TCTN2: variants seen among roughly 807,000 people sequenced by gnomAD.
The protein encoded by TCTN2 is tectonic-2.
Under a neutral mutation model 83.4 loss-of-function variants are expected in TCTN2, and 66 were observed. The observed-to-expected ratio is 0.79, with a 90% CI of 0.65 to 0.97. The LOEUF (loss-of-function observed/expected upper bound fraction) is 0.97, where lower values mean the gene tolerates loss of function less well. TCTN2 is among the 50% of genes least tolerant of loss of function. The probability of loss-of-function intolerance (pLI) is 0.00; values close to 1 mark genes in which losing one functional copy is unlikely to be tolerated. For synonymous variants in TCTN2, 301 were observed against 326.7 expected (o/e 0.92, Z 0.85); for missense variants, 794 against 858.1 (o/e 0.93, Z 0.93).
intron 4 of TCTN2, among the ~76,000 whole-genome samples, chr12:123,678,890 C>T (rs184193805): frequency 1.5e-3 from 233 of 152,014 alleles, no homozygotes; most frequent in African/African-American, 5.4e-3. Context: ...CTCCGCCTCC[C>T]GGGTTCACAC....
intron 4 of TCTN2, among the ~76,000 whole-genome samples, chr12:123,678,684 G>A (rs1003632262): frequency 3.9e-5 from 6 of 152,158 alleles, no homozygotes; most frequent in Middle Eastern, 3.2e-3. Flanking sequence ...TGTAACTGGC[G>A]TGTTTTCTTA....
chr12:123,683,308 C>T lies in TCTN2; in HGVS notation c.565-3528C>T, dbSNP rs148789283. 3.5e-3 allele frequency among the ~76,000 whole-genome samples: 531 copies of T among 151,796 alleles called. 5 individuals are homozygous for T. The highest frequency in any genetic ancestry group is 0.012 in the African/African-American group (496 of 41,430). ...TTTTTATTATTATTTTGAGACAGAGCCTTGTTCTGTCACCCAGGCTGGAGA... is the reference window on the plus strand; with the variant it reads ...TTTTTATTATTATTTTGAGACAGAGTCTTGTTCTGTCACCCAGGCTGGAGA... On this transcript the variant is annotated intron_variant, in intron 5 of 17. Transcript: ENST00000303372.
chr12:123,692,745 CGTCATTTCTTCAGAAACAGATAT>C, intron 9 of TCTN2, 22 bp downstream of exon 9: 1 of 1,568,442 alleles, frequency 6.4e-7, no homozygotes, highest in Non-Finnish European at 8.8e-7. Flanking sequence ...TACACTTTGA[CGTCATTTCTTCAGAAACAGATAT>C]GTCATTTCTT....
At position 123,704,570 on chromosome 12, in the gene TCTN2, A is replaced by G. The variant is rs774515451; in HGVS notation, c.1651A>G (p.Ser551Gly). 2 of 1,613,472 alleles carry G rather than the reference A, an allele frequency of 1.2e-6. No homozygotes were observed. The highest frequency in any genetic ancestry group is 1.3e-5 in the African/African-American group (1 of 74,822). Residue 551 changes from serine to glycine, a missense_variant, in exon 15 of 18, where the codon AGC (serine) becomes GGC (glycine). Physicochemically the swap from Ser to Gly is moderately conservative, Grantham distance 56. Coordinates refer to ENST00000303372, the MANE Select transcript of TCTN2 (RefSeq NM_024809.5). ...TGATCCAGGTGCAGACCCGCTGGCT[A>G]GCAGTGTGAACGGCATGTGCCTGGA... ...APDPGADPLA[S>G]SVNGMCLDIP...
At chr12:123,676,319 A>G (rs951484503) in intron 4 of TCTN2, among the ~76,000 whole-genome samples, 2 of 152,088 alleles carry the variant, frequency 1.3e-5, no homozygotes, top group African/African-American at 4.8e-5. Context: ...CTGTAATCCC[A>G]GCACTTTGGG....
intron 14 of TCTN2, among the ~76,000 whole-genome samples, chr12:123,700,750 C>T (rs1956163786): frequency 6.6e-6 from 1 of 152,168 alleles, no homozygotes; most frequent in Non-Finnish European, 1.5e-5. Context: ...AGTTTAAGAC[C>T]AGCCTGGGCA....
intron 8 of TCTN2, 148 bp from the exon 9 acceptor site, chr12:123,692,510 T>G: frequency 1.4e-6 from 1 of 699,050 alleles, no homozygotes; most frequent in South Asian, 1.5e-5. Flanking sequence ...TCCTATCTGA[T>G]GGTTTTTGGG....
At chr12:123,687,130 C>G in intron 6 of TCTN2, 95 bp downstream of exon 6, 1 of 1,420,168 alleles carries the variant, frequency 7.0e-7, no homozygotes, top group South Asian at 1.1e-5. Context: ...CACGTTTTTC[C>G]CAACCCCTCT....
rs181062689 is a variant in TCTN2, at chr12:123,703,654, G to C, written c.1613-878G>C. Among the ~76,000 whole-genome samples, 17 of 151,784 alleles carry C rather than the reference G, an allele frequency of 1.1e-4. No homozygotes were observed. The East Asian group carries it at 3.1e-3, about 28-fold the overall frequency. On this transcript the variant is annotated intron_variant, in intron 14 of 17. Transcript: ENST00000303372. Reference sequence around the variant, plus strand: ...CTACAGGTGTGTGCCACCATGACTGGCTATTTTATTTTTCTCGAGGAGACA... The same window carrying C: ...CTACAGGTGTGTGCCACCATGACTGCCTATTTTATTTTTCTCGAGGAGACA...
chr12:123,696,380 A>ATG (rs1330940202), intron 11 of TCTN2, 35 bp from the exon 12 acceptor site: 4 of 1,569,096 alleles, frequency 2.5e-6, no homozygotes, highest in Non-Finnish European at 2.6e-6. Flanking sequence ...ATGCTGGAGG[A>ATG]AACAGGCTCA....
intron 13 of TCTN2, among the ~76,000 whole-genome samples, chr12:123,698,364 T>C (rs1956134742): frequency 6.6e-6 from 1 of 150,494 alleles, no homozygotes; most frequent in South Asian, 2.1e-4. Context: ...TTTTTGTTTT[T>C]GTTTTTTTTT....
chr12:123,696,943 G>T (rs1191303561), intron 12 of TCTN2, 144 bp from the exon 13 acceptor site: 1 of 695,620 alleles, frequency 1.4e-6, no homozygotes, highest in African/African-American at 1.8e-5. Context: ...AGCTTTGAAA[G>T]GATTAGACTA....
At position 123,684,166 on chromosome 12, in the gene TCTN2, T is replaced by G. The variant is rs559084763; in HGVS notation, c.565-2670T>G. 7.7e-4 allele frequency among the ~76,000 whole-genome samples: 117 copies of G among 152,258 alleles called. 1 individual carries two copies. In the South Asian group the frequency reaches 0.023, roughly 29 times the overall value. On this transcript the variant is annotated intron_variant, in intron 5 of 17. Transcript: ENST00000303372. Reference sequence around the variant, plus strand: ...TATTCAAAGTATCCTTGAATATGTGTTTGGAGATAAGTACACACCCATGAG... The same window carrying G: ...TATTCAAAGTATCCTTGAATATGTGGTTGGAGATAAGTACACACCCATGAG...
Position 123,707,840 on chromosome 12 carries a change from A to G in TCTN2, c.*127A>G, listed in dbSNP as rs1956249811. ...GATTCTCCTGCCTCAGCCTCCGGAGAACTGGGATTACAGGCATGCACCACC... is the reference window on the plus strand; with the variant it reads ...GATTCTCCTGCCTCAGCCTCCGGAGGACTGGGATTACAGGCATGCACCACC... On this transcript the variant is annotated 3_prime_UTR_variant, in exon 18 of 18. Transcript: ENST00000303372. 5.9e-5 allele frequency: 44 copies of G among 750,884 alleles called. 1 individual carries two copies. In the South Asian group the frequency reaches 6.4e-4, roughly 11 times the overall value. The allele number at this position is 750,884 out of a possible 1,614,324, so 46.5% of individuals were successfully genotyped here. A position where few individuals can be genotyped will look rare whatever the true frequency, so the allele number is the denominator to read the frequency against.
chr12:123,698,864 T>A (rs914290249), intron 13 of TCTN2, among the ~76,000 whole-genome samples: 12 of 152,080 alleles, frequency 7.9e-5, no homozygotes, highest in African/African-American at 2.9e-4. Flanking sequence ...AGCTCCTGAT[T>A]ATAGGTTTTG....
At position 123,690,505 on chromosome 12, in the gene TCTN2, A is replaced by C. The variant is rs771991606; in HGVS notation, c.892-28A>C. The C allele has an allele frequency of 1.9e-6, 3 of 1,614,108 alleles. No homozygotes were observed. The Admixed American group carries it at 5.0e-5, about 27-fold the overall frequency. ...TGTATGATTAGGAGAGAGGCCATAAATCTGTTGGCTTTGCCCTTCTCCCTC... is the reference window on the plus strand; with the variant it reads ...TGTATGATTAGGAGAGAGGCCATAACTCTGTTGGCTTTGCCCTTCTCCCTC... On this transcript the variant is annotated intron_variant, in intron 7 of 17. Transcript: ENST00000303372.
At chr12:123,689,090 C>T (rs1425252552) in intron 7 of TCTN2, among the ~76,000 whole-genome samples, 1 of 150,788 alleles carries the variant, frequency 6.6e-6, no homozygotes, top group Admixed American at 6.6e-5. Flanking sequence ...GAGACATAGT[C>T]TTGCTCTGTC....
Position 123,704,594 on chromosome 12 carries a change from G to T in TCTN2, c.1675G>T (p.Asp559Tyr). ...LASSVNGMCLDIPAHLSIRIL... is the reference protein window; with the variant it reads ...LASSVNGMCLYIPAHLSIRIL... ...TAGCAGTGTGAACGGCATGTGCCTG[G>T]ATATTCCTGCTCACCTGAGCATCCG... The change falls in exon 15 of 18, where the codon GAT becomes TAT. Residue 559 changes from aspartate (D) to tyrosine (Y), a missense_variant. Coordinates refer to ENST00000303372, the MANE Select transcript of TCTN2 (RefSeq NM_024809.5). 6.2e-7 allele frequency: 1 copy of T among 1,613,534 alleles called. No homozygotes were observed. The highest frequency in any genetic ancestry group is 1.1e-5 in the South Asian group (1 of 91,012).
In TCTN2 at chr12:123,690,905, G is replaced by A. The variant is rs1022743235; in HGVS notation, c.1033+231G>A. On this transcript the variant is annotated intron_variant, in intron 8 of 17. Coordinates refer to ENST00000303372, the MANE Select transcript of TCTN2 (RefSeq NM_024809.5). ...ATTTAGCCTTTTTGTTTGTTTCTCC[G>A]TCACGCAGGTTGGAGTGCAGTGGCG... Among the ~76,000 whole-genome samples the A allele has an allele frequency of 9.9e-5, 15 of 152,020 alleles. 1 individual carries two copies. Among genetic ancestry groups the A allele is most frequent in the Admixed American group, 3.9e-4 (6 of 15,238 alleles).
Sources: allele counts gnomAD v4.1 joint callset (sites outside exome capture counted in the v4.1 genomes callset), GRCh38; gene constraint gnomAD v4.1.1; transcripts MANE v1.5; gene names NCBI Gene and HGNC (gene_info 2026-07-23, HGNC 2026-07-21).